GPC6: variants seen among roughly 807,000 people sequenced by gnomAD.
The protein encoded by GPC6 is glypican 6.
In GPC6, 14 loss-of-function variants were observed where a neutral mutation model predicts 55.2. The ratio of observed to expected loss-of-function variants is 0.25; its 90% CI spans 0.17 to 0.40. The LOEUF (loss-of-function observed/expected upper bound fraction) is 0.40, where lower values mean the gene tolerates loss of function less well. Ranked by LOEUF, GPC6 falls within the 10% of genes least tolerant of loss-of-function variation. GPC6 has a pLI of 1.00. For synonymous variants in GPC6, 278 were observed against 259.6 expected (o/e 1.07, Z -0.68); for missense variants, 641 against 708.5 (o/e 0.90, Z 1.08).
rs139440930 is a variant in GPC6, at chr13:94,210,331, A to G, written c.878-76018A>G. 1.0e-3 allele frequency among the ~76,000 whole-genome samples: 159 copies of G among 151,568 alleles called. 2 individuals carry two copies. The East Asian group carries it at 0.028, about 26-fold the overall frequency. On this transcript the variant is annotated intron_variant, in intron 4 of 8. Coordinates refer to ENST00000377047, the MANE Select transcript of GPC6 (RefSeq NM_005708.5). ...GCCACCACGCCCAGCTAATTTTTGTATTTTTAGTAGAGACGGGGTTTCACT... is the reference window on the plus strand; with the variant it reads ...GCCACCACGCCCAGCTAATTTTTGTGTTTTTAGTAGAGACGGGGTTTCACT...
intron 1 of GPC6, among the ~76,000 whole-genome samples, chr13:93,331,463 G>A (rs894094117): frequency 6.6e-6 from 1 of 152,126 alleles, no homozygotes; most frequent in African/African-American, 2.4e-5. Flanking sequence ...AGAAAGGTTA[G>A]CTATGGATAT....
At chr13:94,233,679 TG>T (rs1890795627) in intron 4 of GPC6, among the ~76,000 whole-genome samples, 1 of 152,130 alleles carries the variant, frequency 6.6e-6, no homozygotes, top group African/African-American at 2.4e-5. Flanking sequence ...TTCGTTGTTT[TG>T]GTGTTGAGGT....
intron 2 of GPC6, among the ~76,000 whole-genome samples, chr13:93,792,984 A>G (rs1377296896): frequency 6.6e-6 from 1 of 152,174 alleles, no homozygotes; most frequent in East Asian, 1.9e-4. Flanking sequence ...CCTCTCATCC[A>G]TAAAACGAGG....
intron 4 of GPC6, among the ~76,000 whole-genome samples, chr13:94,079,117 A>G (rs868822079): frequency 1.8e-4 from 28 of 152,234 alleles, no homozygotes; most frequent in African/African-American, 5.3e-4. Flanking sequence ...TAACATTTAC[A>G]TTGTAATGTA....
intron 4 of GPC6, among the ~76,000 whole-genome samples, chr13:94,197,030 G>A (rs763166344): frequency 6.7e-5 from 10 of 148,724 alleles, no homozygotes; most frequent in Non-Finnish European, 1.1e-4. Flanking sequence ...ATGTCAAAAT[G>A]TGGGTTTTTT....
At chr13:93,539,676 G>A (rs922851360) in intron 1 of GPC6, among the ~76,000 whole-genome samples, 2 of 146,138 alleles carry the variant, frequency 1.4e-5, no homozygotes, top group Non-Finnish European at 3.0e-5. Flanking sequence ...TATTAGCCAA[G>A]AGAGGAAGTG....
intron 4 of GPC6, among the ~76,000 whole-genome samples, chr13:94,217,835 C>A (rs1200853877): frequency 1.3e-5 from 2 of 152,184 alleles, no homozygotes. Flanking sequence ...ATGACTTAAT[C>A]TCTCAAGGCC....
intron 2 of GPC6, among the ~76,000 whole-genome samples, chr13:93,690,199 C>T (rs894223029): frequency 2.6e-5 from 4 of 152,036 alleles, no homozygotes; most frequent in Admixed American, 6.6e-5. Flanking sequence ...TTGGGTTAAG[C>T]TGAAGTCAAT....
intron 7 of GPC6, among the ~76,000 whole-genome samples, chr13:94,383,874 C>T (rs1484452838): frequency 2.0e-5 from 3 of 152,172 alleles, no homozygotes. Context: ...AGGTGCCTTC[C>T]TCACAAGGTG....
intron 1 of GPC6, among the ~76,000 whole-genome samples, chr13:93,510,621 C>A (rs1022764191): frequency 1.3e-5 from 2 of 151,980 alleles, no homozygotes; most frequent in African/African-American, 4.8e-5. Flanking sequence ...AAGAAACATG[C>A]AAATGCAGGT....
At chr13:94,395,235 C>G (rs757677825) in intron 7 of GPC6, among the ~76,000 whole-genome samples, 2 of 152,116 alleles carry the variant, frequency 1.3e-5, no homozygotes, top group Non-Finnish European at 2.9e-5. Context: ...GGAAAACAGT[C>G]TCAGGATCAA....
At chr13:93,453,778 C>T (rs370090659) in intron 1 of GPC6, among the ~76,000 whole-genome samples, 2 of 151,836 alleles carry the variant, frequency 1.3e-5, no homozygotes, top group Admixed American at 6.6e-5. Flanking sequence ...TGCAGACCTT[C>T]GCGGTGATTG....
At chr13:93,911,913 G>A (rs558359677) in intron 3 of GPC6, among the ~76,000 whole-genome samples, 10 of 152,318 alleles carry the variant, frequency 6.6e-5, no homozygotes, top group African/African-American at 1.9e-4. Flanking sequence ...AGGCATAGTG[G>A]TGTGAAGTGT....
intron 2 of GPC6, among the ~76,000 whole-genome samples, chr13:93,595,853 A>G (rs1202860473): frequency 2.0e-5 from 3 of 152,228 alleles, no homozygotes; most frequent in Admixed American, 6.5e-5. Context: ...TTTGTCTTTC[A>G]GCAGCATGCC....
intron 4 of GPC6, among the ~76,000 whole-genome samples, chr13:94,176,656 A>G (rs1451094853): frequency 1.8e-4 from 28 of 152,234 alleles, no homozygotes; most frequent in Admixed American, 1.8e-3. Flanking sequence ...TCTGTGCTAC[A>G]CATTCTCTCT....
At chr13:94,246,244 A>G (rs1373100879) in intron 4 of GPC6, among the ~76,000 whole-genome samples, 1 of 152,120 alleles carries the variant, frequency 6.6e-6, no homozygotes, top group Admixed American at 6.6e-5. Context: ...TTGGCTCTTT[A>G]TAAATCTTGG....
intron 1 of GPC6, among the ~76,000 whole-genome samples, chr13:93,496,249 T>C (rs558297473): frequency 6.6e-6 from 1 of 152,318 alleles, no homozygotes; most frequent in African/African-American, 2.4e-5. Flanking sequence ...TAAGCTGGTC[T>C]GAAAAGCACA....
intron 1 of GPC6, among the ~76,000 whole-genome samples, chr13:93,244,351 T>C (rs1403624254): frequency 1.3e-5 from 2 of 152,202 alleles, no homozygotes; most frequent in African/African-American, 4.8e-5. Context: ...CCGCAGCTCT[T>C]AGGCCACACC....
chr13:93,606,243 G>A (rs2139532014), intron 2 of GPC6, among the ~76,000 whole-genome samples: 1 of 152,274 alleles, frequency 6.6e-6, no homozygotes, highest in Admixed American at 6.5e-5. Context: ...TTTGAATCTA[G>A]TTCCTATCAC....
Sources: gnomAD v4.1 joint callset for allele counts (sites outside exome capture counted in the v4.1 genomes callset) on GRCh38, gnomAD v4.1.1 for gene constraint, MANE v1.5 for transcripts, NCBI Gene and HGNC (gene_info 2026-07-23, HGNC 2026-07-21) for gene names.